Variants in FEZ2 observed in about 807,000 individuals in gnomAD.
FEZ2 encodes fasciculation and elongation protein zeta-2.
In FEZ2, 51 loss-of-function variants were observed where a neutral mutation model predicts 40.4. That is an observed-to-expected ratio of 1.26 (90% confidence interval 1.01 to 1.59). FEZ2 has a LOEUF of 1.59. FEZ2 is among the 40% of genes most tolerant of loss of function. The pLI, the probability that FEZ2 is intolerant of heterozygous loss-of-function variation, is 0.00. For synonymous variants in FEZ2, 242 were observed against 172.0 expected (o/e 1.41, Z -3.18); for missense variants, 640 against 438.3 (o/e 1.46, Z -4.11).
intron 4 of FEZ2, among the ~76,000 whole-genome samples, chr2:36,580,752 C>A (rs1285318904): frequency 1.3e-5 from 2 of 152,188 alleles, no homozygotes; most frequent in Admixed American, 6.5e-5. Context: ...GAAGTCCTAA[C>A]CCCAAGTACC....
chr2:36,568,332 G>T (rs185914225), intron 5 of FEZ2, among the ~76,000 whole-genome samples: 1 of 152,234 alleles, frequency 6.6e-6, no homozygotes, highest in Admixed American at 6.5e-5. Flanking sequence ...GGACATTAAA[G>T]ATTTGTTACT....
intron 3 of FEZ2, among the ~76,000 whole-genome samples, chr2:36,582,763 C>T (rs569654847): frequency 1.2e-4 from 19 of 152,212 alleles, no homozygotes; most frequent in African/African-American, 3.6e-4. Flanking sequence ...ACTCACAGTC[C>T]GAGTAGCCAT....
chr2:36,591,413 T>A (rs370355078), intron 1 of FEZ2: 2 of 164,898 alleles, frequency 1.2e-5, no homozygotes, highest in East Asian at 3.6e-4. Flanking sequence ...GGGGAAGAAA[T>A]GTTTCCAGGG....
chr2:36,558,464 A>G lies in FEZ2; in HGVS notation c.953T>C (p.Val318Ala), dbSNP rs368745549. The G allele has an allele frequency of 4.2e-5, 64 of 1,531,322 alleles. No individual in the cohort carries two copies. Among genetic ancestry groups the G allele is most frequent in the Non-Finnish European group, 5.2e-5 (59 of 1,135,824 alleles). 94.9% of individuals were successfully genotyped at this position (1,531,322 alleles called of 1,614,324 possible). A position where few individuals can be genotyped will look rare whatever the true frequency, so the allele number is the denominator to read the frequency against. ...TTTTGTTAATATTTGAAGATCTTCA[A>G]CAGACGGTGGTCCGTTTTTTTTCTC... is the stretch of plus-strand genomic sequence containing the variant. ...PYEKKNGPPS[V>A]EDLQILTKIL... Residue 318 changes from valine to alanine, a missense_variant, in exon 6 of 8, where the codon GTT becomes GCT. Transcript: ENST00000405912.
chr2:36,571,664 G>T (rs1352654311), intron 5 of FEZ2, among the ~76,000 whole-genome samples: 2 of 151,274 alleles, frequency 1.3e-5, no homozygotes, highest in Admixed American at 6.6e-5. Flanking sequence ...CAAAAAAAAA[G>T]AATGTATGTC....
chr2:36,581,694 A>G (rs1668755108), intron 3 of FEZ2: 1 of 360,250 alleles, frequency 2.8e-6, no homozygotes, highest in South Asian at 4.3e-5. Flanking sequence ...GAAGGCCCTA[A>G]CATGTCTTGC....
At chr2:36,583,554 A>T (rs756967974) in intron 2 of FEZ2, 85 bp from the exon 3 acceptor site, 2 of 730,476 alleles carry the variant, frequency 2.7e-6, no homozygotes, top group Admixed American at 4.1e-5. Flanking sequence ...GGCTGCAGAG[A>T]AAAGCAACTA....
intron 2 of FEZ2, chr2:36,589,899 A>G (rs1301340366): frequency 6.6e-6 from 1 of 152,250 alleles, no homozygotes; most frequent in Non-Finnish European, 1.5e-5. Context: ...AATGAAATAT[A>G]GAGCACGCAA....
At chr2:36,571,164 A>G (rs1360932995) in intron 5 of FEZ2, among the ~76,000 whole-genome samples, 1 of 152,234 alleles carries the variant, frequency 6.6e-6, no homozygotes, top group East Asian at 1.9e-4. Context: ...TTTGTTCCAC[A>G]TCTAAAGTAA....
In FEZ2 at chr2:36,567,266, G is replaced by GA. The variant is rs200103854; in HGVS notation, c.904-8754dup. On this transcript the variant is annotated intron_variant, in intron 5 of 7. Coordinates refer to ENST00000405912, the MANE Select transcript of FEZ2 (RefSeq NM_005102.3). The stretch of plus-strand genomic sequence containing the variant: ...GTCTTGACTTCTTGCAGGAGAGAAA[G>GA]AAAAAAAAAAAGCCCAAAATAAGTG... Among the ~76,000 whole-genome samples, 355 of 131,986 alleles carry GA rather than the reference G, an allele frequency of 2.7e-3. 2 individuals carry two copies. Among genetic ancestry groups the GA allele is most frequent in the African/African-American group, 9.0e-3 (325 of 36,022 alleles). The allele number at this position is 131,986 out of a possible 152,430, so 86.6% of individuals were successfully genotyped here.
chr2:36,586,744 C>T (rs1668910967), intron 2 of FEZ2, among the ~76,000 whole-genome samples: 1 of 152,188 alleles, frequency 6.6e-6, no homozygotes, highest in African/African-American at 2.4e-5. Flanking sequence ...ACATCAAGAC[C>T]ACCCTGAGCA....
At chr2:36,597,130 C>T (rs1669249020) in intron 1 of FEZ2, among the ~76,000 whole-genome samples, 1 of 152,166 alleles carries the variant, frequency 6.6e-6, no homozygotes, top group Non-Finnish European at 1.5e-5. Context: ...TCTGTGGCGG[C>T]TCGCACTCTA....
intron 1 of FEZ2, among the ~76,000 whole-genome samples, chr2:36,592,062 G>A (rs1669088055): frequency 6.6e-6 from 1 of 152,142 alleles, no homozygotes; most frequent in Non-Finnish European, 1.5e-5. Context: ...AGAGATACAA[G>A]TGACTTGAAA....
intron 2 of FEZ2, among the ~76,000 whole-genome samples, chr2:36,586,681 C>G (rs549676968): frequency 6.6e-6 from 1 of 151,812 alleles, no homozygotes; most frequent in East Asian, 1.9e-4. Context: ...TGGCTCACAC[C>G]TGTAATCCCA....
Position 36,581,294 on chromosome 2 carries a change from T to C in FEZ2, c.630A>G (p.Glu210=). The C allele has an allele frequency of 1.2e-6, 2 of 1,613,788 alleles. No homozygotes were observed. The highest frequency in any genetic ancestry group is 1.3e-5 in the African/African-American group (1 of 75,038). ...TLKRSSTGSY[E]ERVKRLSVSE... ...GATTTCAGCAGGCTCCCTTACTCTC[T>C]TCATAACTGCCGGTACTAGACCTCT... The change falls in exon 4 of 8, where the codon GAA becomes GAG. Residue 210 remains glutamate, a synonymous_variant. Coordinates refer to ENST00000405912, the MANE Select transcript of FEZ2 (RefSeq NM_005102.3).
chr2:36,597,365 T>C (rs976089565), intron 1 of FEZ2, among the ~76,000 whole-genome samples: 2 of 152,216 alleles, frequency 1.3e-5, no homozygotes, highest in Non-Finnish European at 2.9e-5. Context: ...TTGGTACATA[T>C]AACCATTGCA....
chr2:36,557,812 G>C lies in FEZ2; in HGVS notation c.979+626C>G, dbSNP rs571354168. The C allele has an allele frequency of 7.9e-5, 12 of 152,184 alleles. No homozygotes were observed. In the East Asian group the frequency reaches 2.3e-3, roughly 29 times the overall value. The allele number at this position is 152,184 out of a possible 1,614,324, so 9.4% of individuals were successfully genotyped here. ...AGGCTCATTTGCGGCCATCATAAGA[G>C]ATACTCAATATCATGTATATTTAAA... On this transcript the variant is annotated intron_variant, in intron 6 of 7. Coordinates refer to ENST00000405912, the MANE Select transcript of FEZ2 (RefSeq NM_005102.3).
chr2:36,569,469 C>CA (rs1420176102), intron 5 of FEZ2, among the ~76,000 whole-genome samples: 1 of 152,066 alleles, frequency 6.6e-6, no homozygotes, highest in Non-Finnish European at 1.5e-5. Context: ...ACAGAATCAG[C>CA]AAAAAAGCTT....
chr2:36,559,838 C>A (rs180712106), intron 5 of FEZ2, among the ~76,000 whole-genome samples: 11 of 152,222 alleles, frequency 7.2e-5, no homozygotes, highest in African/African-American at 2.6e-4. Flanking sequence ...TGAGAGGCAA[C>A]GGAATGAAAA....
Sources: allele counts gnomAD v4.1 joint callset (sites outside exome capture counted in the v4.1 genomes callset), GRCh38; gene constraint gnomAD v4.1.1; transcripts MANE v1.5; gene names NCBI Gene and HGNC (gene_info 2026-07-23, HGNC 2026-07-21).